The following ATP9A variants were observed in gnomAD, a reference collection of about 807,000 sequenced individuals.
The protein encoded by ATP9A is ATPase phospholipid transporting 9A.
A neutral mutation model predicts 144.1 loss-of-function variants in ATP9A; 52 were observed. The observed-to-expected ratio is 0.36, with a 90% CI of 0.29 to 0.45. The LOEUF (loss-of-function observed/expected upper bound fraction) is 0.45. ATP9A is among the 20% of genes least tolerant of loss of function. The pLI is 1.00. For missense variants in ATP9A, 947 were observed against 1,392.7 expected (o/e 0.68, Z 5.09); for synonymous variants, 582 against 557.4 (o/e 1.04, Z -0.62).
At chr20:51,619,940 T>C (rs1326064411) in intron 19 of ATP9A, among the ~76,000 whole-genome samples, 1 of 151,770 alleles carries the variant, frequency 6.6e-6, no homozygotes, top group Non-Finnish European at 1.5e-5. Flanking sequence ...CGGTGGATTT[T>C]TCTCATTTAT....
intron 16 of ATP9A, among the ~76,000 whole-genome samples, chr20:51,628,128 G>T (rs909437488): frequency 6.6e-6 from 1 of 152,184 alleles, no homozygotes; most frequent in African/African-American, 2.4e-5. Context: ...TACACGCAAA[G>T]TGCAACTCTG....
intron 3 of ATP9A, among the ~76,000 whole-genome samples, chr20:51,718,994 G>A (rs1305568058): frequency 6.6e-6 from 1 of 151,612 alleles, no homozygotes; most frequent in Non-Finnish European, 1.5e-5. Context: ...TGGGCGTGGT[G>A]GTGCGCGCCT....
At chr20:51,621,720 G>A (rs377505393) in intron 19 of ATP9A, among the ~76,000 whole-genome samples, 8 of 152,078 alleles carry the variant, frequency 5.3e-5, no homozygotes, top group Admixed American at 3.3e-4. Context: ...CAGGGGTTCC[G>A]TGAAATCCCA....
In ATP9A at chr20:51,600,667, G is replaced by A. The variant is rs2077138453; in HGVS notation, c.*544C>T. Reference sequence around the variant, plus strand: ...ACGATACTGAGCATTTCCGAATGGAGATTATTGTGTGGATAACTTTTTACC... The same window carrying A: ...ACGATACTGAGCATTTCCGAATGGAAATTATTGTGTGGATAACTTTTTACC... On this transcript the variant is annotated 3_prime_UTR_variant, in exon 28 of 28. Coordinates refer to ENST00000338821, the MANE Select transcript of ATP9A (RefSeq NM_006045.3). 6.6e-6 allele frequency: 1 copy of A among 152,170 alleles called. No individual in the cohort carries two copies. Among genetic ancestry groups the A allele is most frequent in the Non-Finnish European group, 1.5e-5 (1 of 68,080 alleles). 9.4% of individuals were successfully genotyped at this position (152,170 alleles called of 1,614,324 possible). A position where few individuals can be genotyped will look rare whatever the true frequency, so the allele number is the denominator to read the frequency against.
At chr20:51,750,096 G>A (rs1428835131) in intron 1 of ATP9A, among the ~76,000 whole-genome samples, 6 of 152,026 alleles carry the variant, frequency 3.9e-5, no homozygotes, top group Admixed American at 2.0e-4. Flanking sequence ...CGGAGGTTGC[G>A]GTGAGCCGAG....
intron 14 of ATP9A, among the ~76,000 whole-genome samples, chr20:51,651,681 C>A (rs561735941): frequency 7.2e-4 from 110 of 152,168 alleles, no homozygotes; most frequent in African/African-American, 2.5e-3. Context: ...GTAATCCTAG[C>A]ACTTTGGGAG....
intron 19 of ATP9A, among the ~76,000 whole-genome samples, chr20:51,620,771 G>T (rs751373486): frequency 2.6e-5 from 4 of 152,120 alleles, no homozygotes; most frequent in African/African-American, 4.8e-5. Flanking sequence ...ACACTGGTTC[G>T]TCACACGGGG....
chr20:51,664,603 T>C (rs542347065), intron 13 of ATP9A, among the ~76,000 whole-genome samples: 1 of 151,770 alleles, frequency 6.6e-6, no homozygotes, highest in African/African-American at 2.4e-5. Flanking sequence ...AAAATAAAAA[T>C]AAAAATAAAT....
intron 1 of ATP9A, among the ~76,000 whole-genome samples, chr20:51,749,268 A>T: frequency 6.7e-6 from 1 of 148,482 alleles, no homozygotes; most frequent in East Asian, 2.0e-4. Context: ...CGAGCTCAGA[A>T]TTTTTTTTTT....
chr20:51,713,815 T>G (rs2077650214), intron 3 of ATP9A, among the ~76,000 whole-genome samples: 1 of 152,250 alleles, frequency 6.6e-6, no homozygotes, highest in African/African-American at 2.4e-5. Context: ...TCCAATTTCC[T>G]TAACTACAGG....
chr20:51,635,800 A>AAGAGGGAGGAAG (rs2077288530), intron 15 of ATP9A, among the ~76,000 whole-genome samples: 2 of 76,898 alleles, frequency 2.6e-5, no homozygotes, highest in Non-Finnish European at 5.0e-5. Flanking sequence ...AGAGGAGGGG[A>AAGAGGGAGGAAG]GGAGGAAGGA....
chr20:51,625,235 T>G lies in ATP9A; in HGVS notation c.1973A>C (p.Asp658Ala), dbSNP rs1198285378. 2 of 1,613,936 alleles carry G rather than the reference T, an allele frequency of 1.2e-6. No homozygotes were observed. Among genetic ancestry groups the G allele is most frequent in the Non-Finnish European group, 1.7e-6 (2 of 1,180,032 alleles). ...LTGVEDQLQA[D>A]VRPTLETLRN... The stretch of plus-strand genomic sequence containing the variant: ...CAGGGTCTCCAGCGTGGGCCGCACA[T>G]CTGCCTGCAGCTGGTCCTCCACGCC... The change falls in exon 18 of 28, where the codon GAT (aspartate) becomes GCT (alanine). Residue 658 changes from aspartate to alanine, a missense_variant. This residue lies in a region of ATP9A where 770 missense variants were observed against 1,047.9 expected (regional missense o/e 0.73). Transcript: ENST00000338821.
At chr20:51,640,954 G>A (rs1197852060) in intron 14 of ATP9A, among the ~76,000 whole-genome samples, 1 of 152,166 alleles carries the variant, frequency 6.6e-6, no homozygotes, top group Non-Finnish European at 1.5e-5. Context: ...GCCAGCTGCT[G>A]TGACTCACAC....
At chr20:51,766,037 TA>T (rs1378542646) in intron 1 of ATP9A, among the ~76,000 whole-genome samples, 1 of 152,202 alleles carries the variant, frequency 6.6e-6, no homozygotes, top group Non-Finnish European at 1.5e-5. Flanking sequence ...CTAGAAAACT[TA>T]CTTTTAAATA....
intron 1 of ATP9A, chr20:51,732,700 G>A (rs2077747273): frequency 2.7e-5 from 4 of 149,844 alleles, no homozygotes; most frequent in African/African-American, 1.0e-4. Context: ...AAGCCTCAAG[G>A]AGTCCAACCA....
chr20:51,671,456 G>A (rs1227063607), intron 11 of ATP9A, among the ~76,000 whole-genome samples, 199 bp from the exon 12 acceptor site: 1 of 152,150 alleles, frequency 6.6e-6, no homozygotes, highest in African/African-American at 2.4e-5. Context: ...ATCCATTATT[G>A]TCACAAAGCT....
At chr20:51,725,295 A>G (rs1210941115) in intron 3 of ATP9A, among the ~76,000 whole-genome samples, 1 of 151,782 alleles carries the variant, frequency 6.6e-6, no homozygotes, top group Non-Finnish European at 1.5e-5. Flanking sequence ...ACTAATTTTT[A>G]TATTTTTAGT....
intron 13 of ATP9A, among the ~76,000 whole-genome samples, chr20:51,659,123 G>C (rs2077401095): frequency 6.6e-6 from 1 of 152,134 alleles, no homozygotes; most frequent in Non-Finnish European, 1.5e-5. Context: ...TGCAGGGCTG[G>C]CTTGCTCAGT....
intron 22 of ATP9A, among the ~76,000 whole-genome samples, chr20:51,617,258 T>G (rs1215084315): frequency 6.7e-6 from 1 of 149,822 alleles, no homozygotes; most frequent in Non-Finnish European, 1.5e-5. Flanking sequence ...AAACACTTTT[T>G]CTTTTTTTAA....
Sources: allele counts gnomAD v4.1 joint callset (sites outside exome capture counted in the v4.1 genomes callset), GRCh38; gene constraint gnomAD v4.1.1; regional missense constraint gnomAD v4.1.1; transcripts MANE v1.5; gene names NCBI Gene and HGNC (gene_info 2026-07-23, HGNC 2026-07-21).